Variants in CCDC142 observed in about 807,000 individuals in gnomAD.
CCDC142 encodes the protein coiled-coil domain containing 142, also known as coiled-coil domain-containing protein 142.
In CCDC142, 67 loss-of-function variants were observed where a neutral mutation model predicts 83.8. The observed-to-expected ratio is 0.80, with a 90% CI of 0.66 to 0.98. The LOEUF (loss-of-function observed/expected upper bound fraction) is 0.98, where lower values mean the gene tolerates loss of function less well. Ranked by LOEUF, CCDC142 falls within the 50% of genes least tolerant of loss-of-function variation. The pLI is 0.00. For synonymous variants in CCDC142, 421 were observed against 421.2 expected (o/e 1.00, Z 0.01); for missense variants, 905 against 946.8 (o/e 0.96, Z 0.58).
In CCDC142 at chr2:74,474,541, G is replaced by T. The variant is rs745480815; in HGVS notation, c.*5C>A. On this transcript the variant is annotated 3_prime_UTR_variant, in exon 9 of 9. Coordinates refer to ENST00000393965, the MANE Select transcript of CCDC142 (RefSeq NM_001365575.2). Reference sequence around the variant, plus strand: ...TTAACTTTCTGGCTCCTGGTCCCAGGCTCCTTAGGATTCAGGACTGGTTCC... The same window carrying T: ...TTAACTTTCTGGCTCCTGGTCCCAGTCTCCTTAGGATTCAGGACTGGTTCC... 4 of 1,586,614 alleles carry T rather than the reference G, an allele frequency of 2.5e-6. No homozygotes were observed. The Admixed American group carries it at 7.4e-5, about 29-fold the overall frequency.
chr2:74,476,157 GAAGA>G (rs202213090), intron 5 of CCDC142, among the ~76,000 whole-genome samples: 1,921 of 150,934 alleles, frequency 0.013, 41 homozygotes, highest in African/African-American at 0.045. Flanking sequence ...GAAATTGAGG[GAAGA>G]AAGGGGAATT....
rs747544723 is a variant in CCDC142, at chr2:74,482,792, C to T, written c.46G>A (p.Val16Met). ...CCGGGTTGCGCCCTCAGCGGGGGCA[C>T]GATAACGAGTGGAGGCAGGCTACCT... ...RSGSLPPLVI[V>M]PPLRAQPGGT... Residue 16 changes from valine to methionine, a missense_variant, in exon 1 of 9, where the codon GTG (valine) becomes ATG (methionine). By Grantham distance (21) the Val-to-Met change is conservative. Around this residue, in one of 3 missense-constraint regions of CCDC142, gnomAD observed 591 missense variants for 571.4 expected, o/e 1.03. Transcript: ENST00000393965. The surrounding 1 kb of genome is among the most constrained non-coding windows in gnomAD (Gnocchi z 5.0). 6.2e-7 allele frequency: 1 copy of T among 1,600,234 alleles called. No homozygotes were observed. Among genetic ancestry groups the T allele is most frequent in the South Asian group, 1.1e-5 (1 of 91,084 alleles).
chr2:74,478,566 G>A (rs1480981880), intron 5 of CCDC142, among the ~76,000 whole-genome samples: 1 of 150,958 alleles, frequency 6.6e-6, no homozygotes, highest in Non-Finnish European at 1.5e-5. Context: ...TAGTAGAGAC[G>A]GGGTTTCACC....
At position 74,480,710 on chromosome 2, in the gene CCDC142, C is replaced by A. The variant is rs547820352; in HGVS notation, c.1503+59G>T. 4 of 1,218,436 alleles carry A rather than the reference C, an allele frequency of 3.3e-6. No homozygotes were observed. The African/African-American group carries it at 4.5e-5, about 14-fold the overall frequency. The allele number at this position is 1,218,436 out of a possible 1,614,324, so 75.5% of individuals were successfully genotyped here. A position where few individuals can be genotyped will look rare whatever the true frequency, so the allele number is the denominator to read the frequency against. ...TGAGATGTTCTACTCTTCCCACCCC[C>A]GATACTTGGCACAGAACATAGGGTC... On this transcript the variant is annotated intron_variant, in intron 5 of 8. Coordinates refer to ENST00000393965, the MANE Select transcript of CCDC142 (RefSeq NM_001365575.2).
At position 74,473,908 on chromosome 2, in the gene CCDC142, G is replaced by C. The variant is rs1191528329; in HGVS notation, c.*638C>G. 1.3e-5 allele frequency: 2 copies of C among 151,612 alleles called. No individual in the cohort carries two copies. Among genetic ancestry groups the C allele is most frequent in the African/African-American group, 2.4e-5 (1 of 41,194 alleles). The allele number at this position is 151,612 out of a possible 1,614,324, so 9.4% of individuals were successfully genotyped here. A position where few individuals can be genotyped will look rare whatever the true frequency, so the allele number is the denominator to read the frequency against. On this transcript the variant is annotated 3_prime_UTR_variant, in exon 9 of 9. Coordinates refer to ENST00000393965, the MANE Select transcript of CCDC142 (RefSeq NM_001365575.2). The stretch of plus-strand genomic sequence containing the variant: ...CTGCCTCAGCCTCCTGAGTAGCTGG[G>C]ATTACAGGCATGCGCCACCACACCT...
chr2:74,476,027 C>T (rs1362536800), intron 5 of CCDC142, among the ~76,000 whole-genome samples: 1 of 128,750 alleles, frequency 7.8e-6, no homozygotes, highest in Non-Finnish European at 1.6e-5. Flanking sequence ...AAAGACATAC[C>T]CTGCCCCCAC....
intron 5 of CCDC142, among the ~76,000 whole-genome samples, chr2:74,479,964 C>G (rs954059051): frequency 6.6e-6 from 1 of 152,298 alleles, no homozygotes; most frequent in Non-Finnish European, 1.5e-5. Flanking sequence ...ATCATTTATC[C>G]TGAATTTTCT....
chr2:74,479,901 C>T (rs1027076835), intron 5 of CCDC142, among the ~76,000 whole-genome samples: 2 of 152,140 alleles, frequency 1.3e-5, no homozygotes, highest in African/African-American at 4.8e-5. Flanking sequence ...ACAAATTAAA[C>T]TTTTAAGAGA....
At chr2:74,475,427 A>C in intron 6 of CCDC142, 25 bp from the exon 7 acceptor site, 1 of 1,550,428 alleles carries the variant, frequency 6.4e-7, no homozygotes, top group South Asian at 1.3e-5. Flanking sequence ...ACAGAATATA[A>C]GGCTGTGGAG....
rs145034743 is a variant in CCDC142 at position 74,475,026 on chromosome 2, C to T, written c.1886G>A (p.Arg629His). The change falls in exon 8 of 9, where the codon CGC becomes CAC. Residue 629 changes from arginine (R) to histidine (H), a missense_variant. Arg to His is a conservative substitution (Grantham distance 29, BLOSUM62 0). This residue lies in a region of CCDC142 where 265 missense variants were observed against 288.9 expected (regional missense o/e 0.92). Coordinates refer to ENST00000393965, the MANE Select transcript of CCDC142 (RefSeq NM_001365575.2). The part of the protein sequence containing the change: ...EEQWSLSPDL[R>H]QTLLMLSIFQ... ...GATGCTGAGCATGAGCAGGGTCTGG[C>T]GGAGATCAGGGGACAGGCTCCACTG... 98 of 1,613,872 alleles carry T rather than the reference C, an allele frequency of 6.1e-5. No individual in the cohort carries two copies. The highest frequency in any genetic ancestry group is 7.8e-5 in the Non-Finnish European group (92 of 1,179,962).
Position 74,474,432 on chromosome 2 carries a change from T to C in CCDC142, c.*114A>G. 1 of 1,323,396 alleles carries C rather than the reference T, an allele frequency of 7.6e-7. No homozygotes were observed. The highest frequency in any genetic ancestry group is 1.0e-6 in the Non-Finnish European group (1 of 983,768). The allele number at this position is 1,323,396 out of a possible 1,614,324, so 82.0% of individuals were successfully genotyped here. ...GCTCTTTGTAGCTTATTCTCCAGTA[T>C]GCTTTCCTCCAAGCTTCCAGTTCTG... On this transcript the variant is annotated 3_prime_UTR_variant, in exon 9 of 9. Coordinates refer to ENST00000393965, the MANE Select transcript of CCDC142 (RefSeq NM_001365575.2).
rs1374697415 is a variant in CCDC142, at chr2:74,481,800, C to G, written c.1021+17G>C. On this transcript the variant is annotated intron_variant, in intron 1 of 8. Coordinates refer to ENST00000393965, the MANE Select transcript of CCDC142 (RefSeq NM_001365575.2). ...GACCCCAGCCTTCCCAAACGCCCAC[C>G]CAAGCCCATCACTCACCCTGACCCA... 1 of 1,596,820 alleles carries G rather than the reference C, an allele frequency of 6.3e-7. No homozygotes were observed. The highest frequency in any genetic ancestry group is 1.7e-5 in the Admixed American group (1 of 58,942).
Position 74,475,024 on chromosome 2 carries a change from G to A in CCDC142, c.1888C>T (p.Gln630Ter). The A allele has an allele frequency of 6.2e-7, 1 of 1,614,090 alleles. No homozygotes were observed. Among genetic ancestry groups the A allele is most frequent in the Non-Finnish European group, 8.5e-7 (1 of 1,179,994 alleles). The change falls in exon 8 of 9, where the codon CAG becomes TAG. Residue 630 changes from glutamine to a stop codon, truncating the protein, a stop_gained. Coordinates refer to ENST00000393965, the MANE Select transcript of CCDC142 (RefSeq NM_001365575.2). LOFTEE classifies it high-confidence loss of function. ...AAGATGCTGAGCATGAGCAGGGTCTGGCGGAGATCAGGGGACAGGCTCCAC... is the reference window on the plus strand; with the variant it reads ...AAGATGCTGAGCATGAGCAGGGTCTAGCGGAGATCAGGGGACAGGCTCCAC... The part of the protein sequence containing the change: ...EQWSLSPDLR[Q>*]TLLMLSIFQQ...
At position 74,473,626 on chromosome 2, in the gene CCDC142, C is replaced by A. The variant is rs1672241858; in HGVS notation, c.*920G>T. The stretch of plus-strand genomic sequence containing the variant: ...GCAGGCGTGAGCCCCCTCACCTGGC[C>A]GAGCACTCAACTCTTTATCCCTGAG... On this transcript the variant is annotated 3_prime_UTR_variant, in exon 9 of 9. Transcript: ENST00000393965. Among the ~76,000 whole-genome samples the A allele has an allele frequency of 6.6e-6, 1 of 151,918 alleles. No individual in the cohort carries two copies. The highest frequency in any genetic ancestry group is 1.9e-4 in the East Asian group (1 of 5,146).
Position 74,482,975 on chromosome 2 carries a change from C to A in CCDC142, c.-138G>T, listed in dbSNP as rs1315838490. ...TCGCGGGGACCTTCATGGACTCTCTCGTGCTCCGTAATGGGAGGCTTCTGC... is the reference window on the plus strand; with the variant it reads ...TCGCGGGGACCTTCATGGACTCTCTAGTGCTCCGTAATGGGAGGCTTCTGC... On this transcript the variant is annotated 5_prime_UTR_variant, in exon 1 of 9. Coordinates refer to ENST00000393965, the MANE Select transcript of CCDC142 (RefSeq NM_001365575.2). This position sits in a 1 kb window ranked among gnomAD's most constrained non-coding sequence, Gnocchi z 5.0. 2.5e-6 allele frequency: 4 copies of A among 1,568,836 alleles called. No homozygotes were observed. The African/African-American group carries it at 5.4e-5, about 21-fold the overall frequency.
chr2:74,479,648 T>G (rs190160897), intron 5 of CCDC142, among the ~76,000 whole-genome samples: 2 of 152,352 alleles, frequency 1.3e-5, no homozygotes, highest in African/African-American at 4.8e-5. Flanking sequence ...CTGGCTGGAA[T>G]GCAGTGGCTA....
chr2:74,482,872 C>A lies in CCDC142; in HGVS notation c.-35G>T. The A allele has an allele frequency of 6.4e-7, 1 of 1,573,074 alleles. No individual in the cohort carries two copies. The highest frequency in any genetic ancestry group is 8.6e-7 in the Non-Finnish European group (1 of 1,164,452). The stretch of plus-strand genomic sequence containing the variant: ...GGTCCAGAACGAACCTAACGATTCC[C>A]ACTTCCCTGCACGGACCAACGCCCG... On this transcript the variant is annotated 5_prime_UTR_variant, in exon 1 of 9. Coordinates refer to ENST00000393965, the MANE Select transcript of CCDC142 (RefSeq NM_001365575.2). This position sits in a 1 kb window ranked among gnomAD's most constrained non-coding sequence, Gnocchi z 5.0.
At chr2:74,481,668 C>G (rs1182930847) in intron 1 of CCDC142, 130 bp from the exon 2 acceptor site, 1 of 1,366,126 alleles carries the variant, frequency 7.3e-7, no homozygotes, top group African/African-American at 1.4e-5. Context: ...CAAGACTTTG[C>G]CTTGAAAGCT....
At position 74,474,664 on chromosome 2, in the gene CCDC142, G is replaced by A. The variant is rs185209590; in HGVS notation, c.2135C>T (p.Pro712Leu). The change falls in exon 9 of 9, where the codon CCT becomes CTT. Residue 712 changes from proline (P) to leucine (L), a missense_variant. Around this residue, in one of 3 missense-constraint regions of CCDC142, gnomAD observed 265 missense variants for 288.9 expected, o/e 0.92. Transcript: ENST00000393965. ...TCCCACCAGGTAGCCCTCCGGGCTA[G>A]GTCCCCTTCCTCCTAGTGTGCTTTG... The part of the protein sequence containing the change: ...QLQSTLGGRG[P>L]SPEGYLVGNQ... 1.2e-6 allele frequency: 2 copies of A among 1,614,254 alleles called. No homozygotes were observed. Among genetic ancestry groups the A allele is most frequent in the East Asian group, 2.2e-5 (1 of 44,874 alleles).
Sources: gnomAD v4.1 joint callset for allele counts (sites outside exome capture counted in the v4.1 genomes callset) on GRCh38, gnomAD v4.1.1 for gene constraint, gnomAD v4.1.1 regional missense constraint, Gnocchi (gnomAD v3.1) non-coding constraint, MANE v1.5 for transcripts, NCBI Gene and HGNC (gene_info 2026-07-23, HGNC 2026-07-21) for gene names.